CRY1: variants seen among roughly 807,000 people sequenced by gnomAD.
CRY1 encodes the protein cryptochrome circadian regulator 1.
CRY1 carries 45 observed loss-of-function variants against 76.0 expected under a neutral mutation model. That is an observed-to-expected ratio of 0.59 (90% CI 0.47 to 0.76). The LOEUF (loss-of-function observed/expected upper bound fraction) is 0.76. Ranked by LOEUF, CRY1 falls within the 30% of genes least tolerant of loss-of-function variation. The pLI, the probability that CRY1 is intolerant of heterozygous loss-of-function variation, is 0.00. For synonymous variants in CRY1, 248 were observed against 244.0 expected, an observed-to-expected ratio of 1.02 and a Z score of -0.15; for missense variants, 587 against 716.4, an observed-to-expected ratio of 0.82 and a Z score of 2.06.
At chr12:107,000,538 T>TG (rs1477332700) in intron 5 of CRY1, among the ~76,000 whole-genome samples, 1 of 152,054 alleles carries the variant, frequency 6.6e-6, no homozygotes, top group African/African-American at 2.4e-5. Context: ...TTAGTAGGGA[T>TG]GGGATTTCAC....
chr12:107,055,281 G>A (rs932566358), intron 1 of CRY1, among the ~76,000 whole-genome samples: 2 of 151,898 alleles, frequency 1.3e-5, no homozygotes, highest in Non-Finnish European at 1.5e-5. Flanking sequence ...AATATTATAA[G>A]TAACAAAGGA....
At chr12:107,080,241 T>G (rs1953305802) in intron 1 of CRY1, among the ~76,000 whole-genome samples, 1 of 152,078 alleles carries the variant, frequency 6.6e-6, no homozygotes, top group African/African-American at 2.4e-5. Flanking sequence ...GTTTGGGGTT[T>G]GTTTGTTTTT....
At chr12:107,040,308 C>G (rs1435889480) in intron 1 of CRY1, among the ~76,000 whole-genome samples, 1 of 74,494 alleles carries the variant, frequency 1.3e-5, no homozygotes, top group African/African-American at 7.7e-5. Flanking sequence ...TTTTTTGAGA[C>G]GGAGTCTCGC....
chr12:107,067,845 C>T (rs1953130777), intron 1 of CRY1, among the ~76,000 whole-genome samples: 2 of 152,112 alleles, frequency 1.3e-5, no homozygotes, highest in African/African-American at 4.8e-5. Context: ...TGTTCTCAAC[C>T]GAGGATGTTC....
chr12:107,060,760 C>T (rs1329737176), intron 1 of CRY1, among the ~76,000 whole-genome samples: 1 of 151,948 alleles, frequency 6.6e-6, no homozygotes, highest in African/African-American at 2.4e-5. Flanking sequence ...GGGCGGATCA[C>T]GAGGTCAGGA....
At chr12:107,006,825 T>C (rs1952381970) in intron 2 of CRY1, among the ~76,000 whole-genome samples, 1 of 152,114 alleles carries the variant, frequency 6.6e-6, no homozygotes. Context: ...CTAATTTTTG[T>C]ATTTTCAGTA....
intron 2 of CRY1, among the ~76,000 whole-genome samples, chr12:107,016,201 T>G (rs1379513355): frequency 3.9e-5 from 6 of 152,048 alleles, no homozygotes; most frequent in Non-Finnish European, 7.4e-5. Flanking sequence ...TCCCAGCTAC[T>G]CAGTAGGCTG....
chr12:107,016,333 A>T (rs1455767922), intron 2 of CRY1, among the ~76,000 whole-genome samples: 1 of 152,268 alleles, frequency 6.6e-6, no homozygotes, highest in Non-Finnish European at 1.5e-5. Flanking sequence ...AAAATAAAAC[A>T]AAACAAAAGA....
chr12:106,995,584 A>C (rs1952225030), intron 10 of CRY1, among the ~76,000 whole-genome samples: 1 of 152,196 alleles, frequency 6.6e-6, no homozygotes, highest in Non-Finnish European at 1.5e-5. Flanking sequence ...ATTGACATTG[A>C]TACAAAGTGT....
chr12:107,015,568 G>A (rs769969057), intron 2 of CRY1, among the ~76,000 whole-genome samples: 22 of 152,108 alleles, frequency 1.4e-4, no homozygotes, highest in South Asian at 8.3e-4. Context: ...TTATCTACTC[G>A]TTAGAGCAGG....
intron 1 of CRY1, among the ~76,000 whole-genome samples, chr12:107,053,671 A>C (rs1190187293): frequency 2.0e-5 from 3 of 152,204 alleles, no homozygotes; most frequent in Non-Finnish European, 4.4e-5. Flanking sequence ...AGATCTGAAA[A>C]AGTAACAGCT....
intron 1 of CRY1, among the ~76,000 whole-genome samples, chr12:107,066,888 C>T (rs1006418237): frequency 1.3e-5 from 2 of 152,096 alleles, no homozygotes; most frequent in Non-Finnish European, 2.9e-5. Flanking sequence ...CACCCTCGAC[C>T]TCACATGCTC....
chr12:107,018,954 G>A (rs1334706218), intron 2 of CRY1, among the ~76,000 whole-genome samples: 2 of 152,178 alleles, frequency 1.3e-5, no homozygotes, highest in African/African-American at 4.8e-5. Flanking sequence ...ATCAGTACTG[G>A]AGCCACTGAC....
chr12:107,065,528 G>A (rs1953099267), intron 1 of CRY1, among the ~76,000 whole-genome samples: 1 of 152,100 alleles, frequency 6.6e-6, no homozygotes, highest in Admixed American at 6.5e-5. Flanking sequence ...ACTGGAGGTT[G>A]AGGTTGCAGT....
At chr12:107,038,121 A>G (rs2136863618) in intron 1 of CRY1, among the ~76,000 whole-genome samples, 1 of 152,204 alleles carries the variant, frequency 6.6e-6, no homozygotes, top group East Asian at 1.9e-4. Flanking sequence ...TTTACAAGAG[A>G]GATGATGATG....
At chr12:107,072,219 C>T (rs966378229) in intron 1 of CRY1, among the ~76,000 whole-genome samples, 1 of 152,210 alleles carries the variant, frequency 6.6e-6, no homozygotes, top group Non-Finnish European at 1.5e-5. Context: ...TACTCAGTGC[C>T]AAGGCCCAAT....
chr12:107,001,358 T>G lies in CRY1; in HGVS notation c.606A>C (p.Thr202=). Residue 202 remains threonine (T), a synonymous_variant, in exon 5 of 13, where the codon ACA becomes ACC. Coordinates refer to ENST00000008527, the MANE Select transcript of CRY1 (RefSeq NM_004075.5). ...VPSLEELGFD[T]DGLSSAVWPG... Reference sequence around the variant, plus strand: ...GCCACACTGCAGAGGATAAGCCATCTGTATCAAAACCTACAAGAAAGAAAA... The same window carrying G: ...GCCACACTGCAGAGGATAAGCCATCGGTATCAAAACCTACAAGAAAGAAAA... 1 of 1,610,398 alleles carries G rather than the reference T, an allele frequency of 6.2e-7. No homozygotes were observed. The highest frequency in any genetic ancestry group is 8.5e-7 in the Non-Finnish European group (1 of 1,178,984).
rs564262671 is a variant in CRY1, at chr12:107,021,711, T to C, written c.267+373A>G. On this transcript the variant is annotated intron_variant, in intron 2 of 12. Transcript: ENST00000008527. Reference sequence around the variant, plus strand: ...GTGTGTGTGTATACACATATATATATACACACACACACACAAAAATATATA... The same window carrying C: ...GTGTGTGTGTATACACATATATATACACACACACACACACAAAAATATATA... Among the ~76,000 whole-genome samples the C allele has an allele frequency of 6.2e-4, 94 of 150,932 alleles. 1 individual carries two copies. The highest frequency in any genetic ancestry group is 1.1e-3 in the South Asian group (5 of 4,760).
intron 1 of CRY1, among the ~76,000 whole-genome samples, chr12:107,035,174 T>C (rs1164948812): frequency 6.6e-6 from 1 of 152,226 alleles, no homozygotes; most frequent in African/African-American, 2.4e-5. Flanking sequence ...ATATTAATAA[T>C]GCTGAAAAAT....
Sources: gnomAD v4.1 joint callset for allele counts (sites outside exome capture counted in the v4.1 genomes callset) on GRCh38, gnomAD v4.1.1 for gene constraint, MANE v1.5 for transcripts, NCBI Gene and HGNC (gene_info 2026-07-23, HGNC 2026-07-21) for gene names.